The following EP400 variants were observed in gnomAD, a reference collection of about 807,000 sequenced individuals.
EP400 encodes E1A-binding protein p400.
In EP400, 105 loss-of-function variants were observed where a neutral mutation model predicts 354.1. That is an observed-to-expected ratio of 0.30 (90% CI 0.25 to 0.35). The LOEUF (loss-of-function observed/expected upper bound fraction) is 0.35, where lower values mean the gene tolerates loss of function less well. Ranked by LOEUF, EP400 falls within the 10% of genes least tolerant of loss-of-function variation. The pLI is 1.00. For synonymous variants in EP400, 1,646 were observed against 1,716.9 expected, an observed-to-expected ratio of 0.96 and a Z score of 1.02; for missense variants, 3,280 against 4,121.0, an observed-to-expected ratio of 0.80 and a Z score of 5.59.
Position 132,066,928 on chromosome 12 carries a change from C to T in EP400, c.8708C>T (p.Ala2903Val). Residue 2903 changes from alanine (A) to valine (V), a missense_variant, in exon 49 of 53, where the codon GCG becomes GTG. Transcript: ENST00000389561. ...PGVTTLPMNV[A>V]GISVAIGQPQ... is the part of the protein sequence containing the mutation. ...GTCACCACCCTGCCCATGAACGTCG[C>T]GGGGATCAGCGTGGCGATCGGTCAG... 1 of 1,608,522 alleles carries T rather than the reference C, an allele frequency of 6.2e-7. No individual in the cohort carries two copies. The highest frequency in any genetic ancestry group is 8.5e-7 in the Non-Finnish European group (1 of 1,177,452).
chr12:131,984,748 G>A (rs747536315), intron 5 of EP400, among the ~76,000 whole-genome samples: 3 of 151,228 alleles, frequency 2.0e-5, no homozygotes, highest in African/African-American at 2.4e-5. Flanking sequence ...CCTCAGGGTG[G>A]AGCGCAGTGG....
chr12:132,073,088 C>T (rs1224515705), intron 51 of EP400, among the ~76,000 whole-genome samples: 3 of 152,166 alleles, frequency 2.0e-5, no homozygotes, highest in African/African-American at 7.2e-5. Flanking sequence ...CTGACTCTTA[C>T]CTGAAACACG....
chr12:132,051,370 G>A (rs1177719649), intron 41 of EP400, among the ~76,000 whole-genome samples: 1 of 152,168 alleles, frequency 6.6e-6, no homozygotes, highest in African/African-American at 2.4e-5. Flanking sequence ...AGCTGGGACT[G>A]GGGGACCACT....
At position 132,055,032 on chromosome 12, in the gene EP400, C is replaced by T; in HGVS notation, c.7774+13C>T. ...AGCATGCCCACTGGTAAGACAAATA[C>T]AGAGATGCTGAAATGTGGACCCCAT... is the stretch of plus-strand genomic sequence containing the variant. On this transcript the variant is annotated intron_variant, in intron 44 of 52. Transcript: ENST00000389561. 6.2e-7 allele frequency: 1 copy of T among 1,613,762 alleles called. No homozygotes were observed. Among genetic ancestry groups the T allele is most frequent in the East Asian group, 2.2e-5 (1 of 44,880 alleles).
rs1232975499 is a variant in EP400, at chr12:132,076,589, A to C, written c.9095A>C (p.Gln3032Pro). The C allele has an allele frequency of 1.2e-6, 2 of 1,611,940 alleles. No homozygotes were observed. Among genetic ancestry groups the C allele is most frequent in the Non-Finnish European group, 1.7e-6 (2 of 1,178,286 alleles). The stretch of plus-strand genomic sequence containing the variant: ...ATCCAGCAAGTTGCCTCTGCTTCCC[A>C]GCAGGTAGGACGCATAGACAAAGTG... ...ASIQQVASASQQASPQTVALT... is the reference protein window; with the variant it reads ...ASIQQVASASPQASPQTVALT... Residue 3032 changes from glutamine (Q) to proline (P), a missense_variant, in exon 52 of 53, where the codon CAG becomes CCG. Coordinates refer to ENST00000389561, the MANE Select transcript of EP400 (RefSeq NM_015409.5).
chr12:132,077,374 G>A (rs1565938645), intron 52 of EP400, 27 bp from the exon 53 acceptor site: 2 of 1,597,490 alleles, frequency 1.3e-6, no homozygotes, highest in Non-Finnish European at 1.7e-6. Context: ...CCTGGGCAAT[G>A]TGTGTTTTCT....
chr12:132,065,964 A>G (rs1271447751), intron 48 of EP400: 1 of 152,238 alleles, frequency 6.6e-6, no homozygotes, highest in Non-Finnish European at 1.5e-5. Context: ...GAGATAACTG[A>G]ACATTTACAA....
intron 51 of EP400, among the ~76,000 whole-genome samples, chr12:132,072,941 C>T (rs1896107032): frequency 6.6e-6 from 1 of 152,152 alleles, no homozygotes; most frequent in Admixed American, 6.5e-5. Flanking sequence ...ATGAGTAAAG[C>T]ACCACCCTCC....
In EP400 at chr12:132,062,155, C is replaced by G. The variant is rs1313941233; in HGVS notation, c.7930C>G (p.Pro2644Ala). 5.0e-6 allele frequency: 8 copies of G among 1,613,850 alleles called. No homozygotes were observed. The highest frequency in any genetic ancestry group is 5.9e-6 in the Non-Finnish European group (7 of 1,179,956). ...APAQVVHTQP[P>A]PRAVGSPATA... ...CGCCCAGGTGGTGCACACCCAGCCC[C>G]CGCCACGGGCAGTCGGCTCCCCAGC... The change falls in exon 46 of 53, where the codon CCG (proline) becomes GCG (alanine). Residue 2644 changes from proline (P) to alanine (A), a missense_variant. By Grantham distance (27) the Pro-to-Ala change is conservative (BLOSUM62 -1). This residue lies in a region of EP400 where 255 missense variants were observed against 295.9 expected (regional missense o/e 0.86). Coordinates refer to ENST00000389561, the MANE Select transcript of EP400 (RefSeq NM_015409.5).
intron 2 of EP400, 34 bp downstream of exon 2, chr12:131,961,988 T>C (rs1308448570): frequency 3.2e-6 from 5 of 1,577,112 alleles, no homozygotes; most frequent in Non-Finnish European, 4.3e-6. Context: ...TTAGTACAAA[T>C]CTTCTAGATG....
Position 132,052,956 on chromosome 12 carries a change from AGC to A in EP400, c.7395-187_7395-186del, listed in dbSNP as rs1169304707. Among the ~76,000 whole-genome samples the A allele has an allele frequency of 6.6e-6, 1 of 152,078 alleles. No individual in the cohort carries two copies. The highest frequency in any genetic ancestry group is 1.5e-5 in the Non-Finnish European group (1 of 68,018). On this transcript the variant is annotated intron_variant, in intron 41 of 52. Coordinates refer to ENST00000389561, the MANE Select transcript of EP400 (RefSeq NM_015409.5). The surrounding 1 kb of genome is among the most constrained non-coding windows in gnomAD (Gnocchi z 4.4). ...AGCTCGGCCTCAAGGAAGAGGACTC[AGC>A]GCCAGGCTGAGGATGAGGTCTAGGT... is the stretch of plus-strand genomic sequence containing the variant.
rs1159233802 is a variant in EP400 at position 132,025,242 on chromosome 12, C to T, written c.4856-404C>T. Among the ~76,000 whole-genome samples the T allele has an allele frequency of 1.3e-5, 2 of 152,164 alleles. No individual in the cohort carries two copies. Among genetic ancestry groups the T allele is most frequent in the East Asian group, 1.9e-4 (1 of 5,192 alleles). On this transcript the variant is annotated intron_variant, in intron 24 of 52. Transcript: ENST00000389561. The surrounding 1 kb of genome is among the most constrained non-coding windows in gnomAD (Gnocchi z 4.1). ...GATCCAAAGTGGCAGCCTCGTTAAACAGCAGCAGAAAAGCCACAGGCATCT... is the reference window on the plus strand; with the variant it reads ...GATCCAAAGTGGCAGCCTCGTTAAATAGCAGCAGAAAAGCCACAGGCATCT...
chr12:131,972,971 A>G (rs1892349458), intron 2 of EP400, among the ~76,000 whole-genome samples: 1 of 152,054 alleles, frequency 6.6e-6, no homozygotes, highest in Non-Finnish European at 1.5e-5. Flanking sequence ...ACCTCAAGTG[A>G]TCCACCTGCC....
chr12:132,019,540 CA>C (rs142862647), intron 21 of EP400, among the ~76,000 whole-genome samples: 22 of 145,420 alleles, frequency 1.5e-4, no homozygotes, highest in East Asian at 2.0e-4. Flanking sequence ...CCTGTCTCTC[CA>C]AAAAAAAAAA....
chr12:131,979,583 C>T, intron 2 of EP400, 111 bp from the exon 3 acceptor site: 1 of 836,478 alleles, frequency 1.2e-6, no homozygotes. Flanking sequence ...GATAACATTC[C>T]TGTTATTAGA....
chr12:132,018,224 T>A lies in EP400; in HGVS notation c.4125T>A (p.Ser1375=). The change falls in exon 21 of 53, where the codon TCT becomes TCA. Residue 1375 remains serine, a synonymous_variant. Coordinates refer to ENST00000389561, the MANE Select transcript of EP400 (RefSeq NM_015409.5). The surrounding 1 kb of genome is among the most constrained non-coding windows in gnomAD (Gnocchi z 4.0). ...TTTCTCTCTAGGAAGCAGATCTTTC[T>A]ATGTTTGATCTCATCGGCTTAGAAA... ...ERDFWKEADL[S]MFDLIGLENK... is the part of the protein sequence containing the mutation. 1 of 1,611,028 alleles carries A rather than the reference T, an allele frequency of 6.2e-7. No individual in the cohort carries two copies.
intron 2 of EP400, among the ~76,000 whole-genome samples, chr12:131,966,570 A>G (rs1455259842): frequency 2.7e-5 from 4 of 147,210 alleles, no homozygotes; most frequent in African/African-American, 1.0e-4. Context: ...CTCAAAAAAA[A>G]AAAAAAAAAA....
Position 132,059,948 on chromosome 12 carries a change from G to A in EP400, c.7885-2162G>A, listed in dbSNP as rs572442255. ...TGAGGCAGGAGAATTGCTTGAACCC[G>A]GGAGGCGGAGGTTGCAGTGAGCCAA... On this transcript the variant is annotated intron_variant, in intron 45 of 52. Transcript: ENST00000389561. 1.5e-4 allele frequency among the ~76,000 whole-genome samples: 23 copies of A among 152,014 alleles called. No homozygotes were observed. The East Asian group carries it at 2.1e-3, about 14-fold the overall frequency.
At chr12:131,976,886 C>T (rs1246779134) in intron 2 of EP400, among the ~76,000 whole-genome samples, 1 of 152,110 alleles carries the variant, frequency 6.6e-6, no homozygotes, top group Non-Finnish European at 1.5e-5. Context: ...CCTCCTTTTC[C>T]ATCTGTCTCT....
Sources: gnomAD v4.1 joint callset for allele counts (sites outside exome capture counted in the v4.1 genomes callset) on GRCh38, gnomAD v4.1.1 for gene constraint, gnomAD v4.1.1 regional missense constraint, Gnocchi (gnomAD v3.1) non-coding constraint, MANE v1.5 for transcripts, NCBI Gene and HGNC (gene_info 2026-07-23, HGNC 2026-07-21) for gene names.